Variants in OSBPL10 observed in about 807,000 individuals in gnomAD.
The protein encoded by OSBPL10 is oxysterol-binding protein-related protein 10.
Under a neutral mutation model 81.7 loss-of-function variants are expected in OSBPL10, and 49 were observed. The observed-to-expected ratio is 0.60, with a 90% CI of 0.48 to 0.76. OSBPL10 has a LOEUF of 0.76. OSBPL10 is among the 30% of genes least tolerant of loss of function. The pLI is 0.00. For missense variants in OSBPL10, 923 were observed against 987.8 expected (o/e 0.93, Z 0.88); for synonymous variants, 419 against 383.6 (o/e 1.09, Z -1.08).
chr3:31,684,037 T>C lies in OSBPL10; in HGVS notation c.1323A>G (p.Leu441=). ...TGGCCCCAGCGGTGATGGCCAGCAG[T>C]AGGTCTGGGTGCGCCATGAAATCTG... The part of the protein sequence containing the change: ...MYADFMAHPD[L]LLAITAGATP... The change falls in exon 8 of 12, where the codon CTA becomes CTG. Residue 441 remains leucine (L), a synonymous_variant. Coordinates refer to ENST00000396556, the MANE Select transcript of OSBPL10 (RefSeq NM_017784.5). The C allele has an allele frequency of 1.2e-6, 2 of 1,614,104 alleles. No homozygotes were observed. The highest frequency in any genetic ancestry group is 1.7e-6 in the Non-Finnish European group (2 of 1,180,022).
At chr3:31,980,193 G>A (rs1698794266) in intron 1 of OSBPL10, among the ~76,000 whole-genome samples, 1 of 151,754 alleles carries the variant, frequency 6.6e-6, no homozygotes, top group African/African-American at 2.4e-5. Flanking sequence ...TAGTAGAGAC[G>A]GGTTTTCACC....
At chr3:31,671,904 T>C (rs1409859045) in intron 8 of OSBPL10, among the ~76,000 whole-genome samples, 1 of 152,130 alleles carries the variant, frequency 6.6e-6, no homozygotes, top group Non-Finnish European at 1.5e-5. Context: ...ACAGCTCTCT[T>C]AAGATCACAT....
intron 1 of OSBPL10, among the ~76,000 whole-genome samples, chr3:31,960,964 C>A (rs1353351680): frequency 1.3e-5 from 2 of 151,652 alleles, no homozygotes; most frequent in Non-Finnish European, 2.9e-5. Flanking sequence ...CAAAGCTGCC[C>A]AAAAAATGGT....
chr3:31,685,556 A>G (rs1303658925), intron 7 of OSBPL10, among the ~76,000 whole-genome samples: 2 of 152,122 alleles, frequency 1.3e-5, no homozygotes, highest in Non-Finnish European at 2.9e-5. Flanking sequence ...CCTAACGTGG[A>G]CTCACAGGAT....
intron 10 of OSBPL10, among the ~76,000 whole-genome samples, chr3:31,665,386 G>GC (rs138659189): frequency 0.025 from 3,861 of 152,294 alleles, 64 homozygotes; most frequent in Non-Finnish European, 0.038. Context: ...GCAAGTGAAT[G>GC]CCCATCTTTA....
Position 32,030,001 on chromosome 3 carries a change from A to G in OSBPL10, n.298+16490T>C, listed in dbSNP as rs974476519. Among the ~76,000 whole-genome samples the G allele has an allele frequency of 2.6e-5, 4 of 152,206 alleles. No homozygotes were observed. The East Asian group carries it at 7.7e-4, about 29-fold the overall frequency. On this transcript the variant is annotated intron_variant and non_coding_transcript_variant, in intron 2 of 3. Transcript: ENST00000479173. ...AAACCATTTCCTGAAATTGCTTTCC[A>G]CCCAGTTTCAAACATGACTCTATTA... is the stretch of plus-strand genomic sequence containing the variant.
intron 5 of OSBPL10, among the ~76,000 whole-genome samples, chr3:31,746,332 C>T (rs1697517157): frequency 6.6e-6 from 1 of 152,060 alleles, no homozygotes; most frequent in African/African-American, 2.4e-5. Flanking sequence ...CCGAGAGTCG[C>T]TGGGTATAAT....
Position 31,833,705 on chromosome 3 carries a change from GCACACACACA to G in OSBPL10, c.538-3484_538-3475del, listed in dbSNP as rs10591808. ...GTAGGGAAAACACGCACACGCACAC[GCACACACACA>G]CACACACACACACACACACACACTC... On this transcript the variant is annotated intron_variant, in intron 3 of 11. Transcript: ENST00000396556. Among the ~76,000 whole-genome samples the G allele has an allele frequency of 9.4e-5, 13 of 138,040 alleles. No homozygotes were observed. The East Asian group carries it at 2.2e-3, about 24-fold the overall frequency. 90.6% of individuals were successfully genotyped at this position (138,040 alleles called of 152,430 possible). A position where few individuals can be genotyped will look rare whatever the true frequency, so the allele number is the denominator to read the frequency against.
intron 3 of OSBPL10, among the ~76,000 whole-genome samples, chr3:31,837,976 G>C (rs1030834454): frequency 9.2e-5 from 14 of 152,108 alleles, no homozygotes; most frequent in Admixed American, 8.5e-4. Flanking sequence ...TATAATTATT[G>C]TAATAAAAAT....
chr3:31,746,798 GA>G (rs1697537276), intron 5 of OSBPL10, among the ~76,000 whole-genome samples: 1 of 107,120 alleles, frequency 9.3e-6, no homozygotes, highest in Non-Finnish European at 1.7e-5. Context: ...ACAGGAAGGG[GA>G]ACATCACACT....
At chr3:31,941,080 G>A (rs1697525054) in intron 1 of OSBPL10, among the ~76,000 whole-genome samples, 1 of 152,150 alleles carries the variant, frequency 6.6e-6, no homozygotes, top group Admixed American at 6.5e-5. Flanking sequence ...TTGTCCGACA[G>A]GTGAATGAAA....
At chr3:31,901,821 T>C (rs1330891013) in intron 1 of OSBPL10, among the ~76,000 whole-genome samples, 1 of 152,166 alleles carries the variant, frequency 6.6e-6, no homozygotes, top group South Asian at 2.1e-4. Context: ...GCGGACTGCC[T>C]GAGCTCAGGA....
chr3:31,856,447 A>G (rs1176942092), intron 3 of OSBPL10, among the ~76,000 whole-genome samples: 1 of 152,210 alleles, frequency 6.6e-6, no homozygotes, highest in Non-Finnish European at 1.5e-5. Flanking sequence ...AAGCAAAATT[A>G]CCCAATAGCA....
chr3:31,790,343 AAT>A (rs1333347306), intron 4 of OSBPL10, among the ~76,000 whole-genome samples: 2 of 152,228 alleles, frequency 1.3e-5, no homozygotes, highest in Non-Finnish European at 2.9e-5. Context: ...GCCATTTGGC[AAT>A]ATGTTCCCCA....
intron 3 of OSBPL10, among the ~76,000 whole-genome samples, chr3:31,833,735 A>ACTCTCT (rs1199495621): frequency 6.7e-6 from 1 of 149,654 alleles, no homozygotes; most frequent in Non-Finnish European, 1.5e-5. Flanking sequence ...ACACACACAC[A>ACTCTCT]CACTCTCTCT....
intron 2 of OSBPL10, among the ~76,000 whole-genome samples, chr3:32,022,008 A>C (rs1223373157): frequency 1.3e-5 from 2 of 151,770 alleles, no homozygotes; most frequent in Non-Finnish European, 2.9e-5. Context: ...CAAAATATGT[A>C]TATTCTAGAT....
intron 3 of OSBPL10, among the ~76,000 whole-genome samples, chr3:31,838,169 T>A (rs934674476): frequency 6.6e-6 from 1 of 152,128 alleles, no homozygotes; most frequent in Non-Finnish European, 1.5e-5. Flanking sequence ...CATACATATA[T>A]GTGCATATTA....
intron 3 of OSBPL10, among the ~76,000 whole-genome samples, chr3:31,830,670 C>A (rs1212212211): frequency 6.6e-6 from 1 of 152,332 alleles, no homozygotes; most frequent in South Asian, 2.1e-4. Flanking sequence ...CTCGGCCTCT[C>A]TGCTGCTCTT....
rs1356300925 is a variant in OSBPL10, at chr3:31,663,798, G to T, written c.2250+281C>A. On this transcript the variant is annotated intron_variant, in intron 11 of 11. Transcript: ENST00000396556. The stretch of plus-strand genomic sequence containing the variant: ...AGTATCCAGTCTGCAGTCCCATCGC[G>T]ATCCCTCACAGGCAGGCTGACATGC... The T allele has an allele frequency of 5.2e-6, 7 of 1,348,798 alleles. No individual in the cohort carries two copies. The East Asian group carries it at 1.3e-4, about 24-fold the overall frequency. The allele number at this position is 1,348,798 out of a possible 1,614,324, so 83.6% of individuals were successfully genotyped here. A position where few individuals can be genotyped will look rare whatever the true frequency, so the allele number is the denominator to read the frequency against.
Sources: allele counts gnomAD v4.1 joint callset (sites outside exome capture counted in the v4.1 genomes callset), GRCh38; gene constraint gnomAD v4.1.1; transcripts MANE v1.5; gene names NCBI Gene and HGNC (gene_info 2026-07-23, HGNC 2026-07-21).